The following VANGL1 variants were observed in gnomAD, a reference collection of about 807,000 sequenced individuals.
The protein encoded by VANGL1 is VANGL planar cell polarity protein 1, also known as vang-like protein 1.
In VANGL1, 18 loss-of-function variants were observed where a neutral mutation model predicts 48.4. The ratio of observed to expected loss-of-function variants is 0.37; its 90% CI spans 0.26 to 0.55. The LOEUF is 0.55. Ranked by LOEUF, VANGL1 falls within the 20% of genes least tolerant of loss-of-function variation. VANGL1 has a pLI of 0.81. For synonymous variants in VANGL1, 257 were observed against 261.8 expected (o/e 0.98, Z 0.18); for missense variants, 667 against 675.8 (o/e 0.99, Z 0.14).
Position 115,691,403 on chromosome 1 carries a change from T to TAA in VANGL1, c.*33_*34dup, listed in dbSNP as rs151052987. 1.1e-4 allele frequency: 168 copies of TAA among 1,476,984 alleles called. No homozygotes were observed. The African/African-American group carries it at 2.0e-3, about 18-fold the overall frequency. 91.5% of individuals were successfully genotyped at this position (1,476,984 alleles called of 1,614,324 possible). On this transcript the variant is annotated 3_prime_UTR_variant, in exon 8 of 8. Coordinates refer to ENST00000355485, the MANE Select transcript of VANGL1 (RefSeq NM_138959.3). ...AAAAGTTCTATATTTGTGGCTTTAT[T>TAA]AAAAAAAAAAGAAAAATATATAGAG... is the stretch of plus-strand genomic sequence containing the variant.
intron 4 of VANGL1, among the ~76,000 whole-genome samples, chr1:115,675,393 C>G (rs1653124813): frequency 6.6e-6 from 1 of 151,592 alleles, no homozygotes; most frequent in African/African-American, 2.4e-5. Flanking sequence ...CCCAGCTACT[C>G]CGGTAGGCCG....
Position 115,683,981 on chromosome 1 carries a change from G to A in VANGL1, c.984G>A (p.Met328Ile), listed in dbSNP as rs765738943. 3.1e-6 allele frequency: 5 copies of A among 1,614,114 alleles called. No homozygotes were observed. Among genetic ancestry groups the A allele is most frequent in the Non-Finnish European group, 4.2e-6 (5 of 1,179,988 alleles). ...ATGCCACTGGCCAGTCCCGGGCCAT[G>A]ATTGCTGCAGCTGCTCGGCGCAGGG... ...SNNATGQSRAMIAAAARRRDS... is the reference protein window; with the variant it reads ...SNNATGQSRAIIAAAARRRDS... Residue 328 changes from methionine to isoleucine, a missense_variant, in exon 6 of 8, where the codon ATG becomes ATA. Physicochemically the swap from Met to Ile is conservative, Grantham distance 10. Transcript: ENST00000355485.
intron 5 of VANGL1, among the ~76,000 whole-genome samples, chr1:115,683,380 T>C (rs993673094): frequency 2.0e-5 from 3 of 152,200 alleles, no homozygotes; most frequent in African/African-American, 4.8e-5. Flanking sequence ...TCTGTATTCA[T>C]TAACGGGTCA....
chr1:115,687,938 GTAGATAGATAGATAGATAGATAGA>G (rs71096827), intron 7 of VANGL1, among the ~76,000 whole-genome samples: 9,663 of 112,682 alleles, frequency 0.086, 1,858 homozygotes, highest in Admixed American at 0.15. Flanking sequence ...CATTCATTAG[GTAGATAGATAGATAGATAGATAGA>G]TAGATAGATA....
Position 115,663,875 on chromosome 1 carries a change from A to G in VANGL1, c.419A>G (p.Asp140Gly). Residue 140 changes from aspartate to glycine, a missense_variant, in exon 4 of 8, where the codon GAT (aspartate) becomes GGT (glycine). Asp to Gly is a moderately conservative substitution (Grantham distance 94, BLOSUM62 -1). Coordinates refer to ENST00000355485, the MANE Select transcript of VANGL1 (RefSeq NM_138959.3). ...CTTTTACCTCCGATCCTGTGGAGGG[A>G]TGAGCTGGAGCCTTGTGGCACAATT... Reference protein sequence around the residue: ...FILLPPILWRDELEPCGTICE... With the variant: ...FILLPPILWRGELEPCGTICE... 1.2e-6 allele frequency: 2 copies of G among 1,614,120 alleles called. No individual in the cohort carries two copies. Among genetic ancestry groups the G allele is most frequent in the Non-Finnish European group, 1.7e-6 (2 of 1,180,030 alleles).
At chr1:115,679,995 G>A (rs1246433225) in intron 4 of VANGL1, among the ~76,000 whole-genome samples, 1 of 83,582 alleles carries the variant, frequency 1.2e-5, no homozygotes, top group African/African-American at 5.1e-5. Context: ...GTGTGTGTGT[G>A]TGTGTGTGTG....
chr1:115,672,630 G>A (rs1275673377), intron 4 of VANGL1, among the ~76,000 whole-genome samples: 1 of 152,202 alleles, frequency 6.6e-6, no homozygotes, highest in Non-Finnish European at 1.5e-5. Context: ...GTAAACATGA[G>A]CTAATTCCAG....
chr1:115,660,518 A>G (rs916372741), intron 3 of VANGL1, among the ~76,000 whole-genome samples: 1 of 152,158 alleles, frequency 6.6e-6, no homozygotes, highest in African/African-American at 2.4e-5. Context: ...TTTTTGAACC[A>G]TTGAGTGGGT....
chr1:115,689,658 A>G (rs1653760824), intron 7 of VANGL1, among the ~76,000 whole-genome samples: 1 of 134,698 alleles, frequency 7.4e-6, no homozygotes, highest in Non-Finnish European at 1.6e-5. Flanking sequence ...AGAGGATACT[A>G]GTTAAAAACT....
At chr1:115,659,914 G>A (rs1006296481) in intron 3 of VANGL1, 141 bp downstream of exon 3, 6 of 1,215,400 alleles carry the variant, frequency 4.9e-6, no homozygotes, top group Admixed American at 2.0e-5. Flanking sequence ...ATGGTCTCTT[G>A]TTGGTCTAAG....
chr1:115,647,908 A>G (rs1391717398), intron 1 of VANGL1, among the ~76,000 whole-genome samples: 1 of 152,238 alleles, frequency 6.6e-6, no homozygotes, highest in Non-Finnish European at 1.5e-5. Context: ...TTAGTCTTTC[A>G]GTAAGTATTT....
intron 2 of VANGL1, among the ~76,000 whole-genome samples, chr1:115,659,214 T>C (rs1652456146): frequency 6.7e-6 from 1 of 149,258 alleles, no homozygotes; most frequent in Non-Finnish European, 1.5e-5. Context: ...AAATAGATAT[T>C]TTTTTGTAGA....
intron 4 of VANGL1, among the ~76,000 whole-genome samples, chr1:115,681,659 A>G (rs1180318104): frequency 6.6e-6 from 1 of 151,882 alleles, no homozygotes; most frequent in Admixed American, 6.6e-5. Flanking sequence ...GGTGCATGCC[A>G]CTACACCCCG....
chr1:115,642,246 C>T lies in VANGL1; in HGVS notation c.-138+160C>T, dbSNP rs552354496. ...CGGGTGGCCGGCTCCCGCCTCGGGC[C>T]GGGGGCTCCCTCCCCTCCTCCGGAG... On this transcript the variant is annotated intron_variant, in intron 1 of 7. Coordinates refer to ENST00000355485, the MANE Select transcript of VANGL1 (RefSeq NM_138959.3). 3.0e-3 allele frequency among the ~76,000 whole-genome samples: 463 copies of T among 152,004 alleles called. 2 individuals carry two copies. The highest frequency in any genetic ancestry group is 0.011 in the African/African-American group (437 of 41,498).
intron 1 of VANGL1, among the ~76,000 whole-genome samples, chr1:115,643,363 G>C (rs893073129): frequency 5.9e-5 from 9 of 152,190 alleles, no homozygotes; most frequent in Admixed American, 2.0e-4. Context: ...GAAATTGTCT[G>C]AATACAGGGA....
At chr1:115,690,391 C>T (rs370683939) in intron 7 of VANGL1, among the ~76,000 whole-genome samples, 5 of 152,324 alleles carry the variant, frequency 3.3e-5, no homozygotes, top group South Asian at 4.1e-4. Flanking sequence ...AGAACTCCAT[C>T]GAGCCAGGTG....
intron 4 of VANGL1, among the ~76,000 whole-genome samples, chr1:115,667,412 T>C (rs558837828): frequency 6.6e-6 from 1 of 152,296 alleles, no homozygotes; most frequent in East Asian, 1.9e-4. Context: ...CATAAATAGA[T>C]TGAGATACTT....
chr1:115,676,498 G>T (rs1653172032), intron 4 of VANGL1, among the ~76,000 whole-genome samples: 1 of 152,184 alleles, frequency 6.6e-6, no homozygotes, highest in African/African-American at 2.4e-5. Context: ...GCTCGTGGTG[G>T]CTATCGTTTA....
At chr1:115,678,824 C>T (rs915984232) in intron 4 of VANGL1, among the ~76,000 whole-genome samples, 6 of 151,870 alleles carry the variant, frequency 4.0e-5, no homozygotes, top group Admixed American at 1.3e-4. Flanking sequence ...GGCGTGGTGG[C>T]ACGTGCTGTA....
Sources: allele counts gnomAD v4.1 joint callset (sites outside exome capture counted in the v4.1 genomes callset), GRCh38; gene constraint gnomAD v4.1.1; transcripts MANE v1.5; gene names NCBI Gene and HGNC (gene_info 2026-07-23, HGNC 2026-07-21).